Variants in CDH4 observed in about 807,000 individuals in gnomAD.
CDH4 encodes cadherin 4.
In CDH4, 33 loss-of-function variants were observed where a neutral mutation model predicts 86.0. That is an observed-to-expected ratio of 0.38 (90% CI 0.29 to 0.51). The LOEUF is 0.51. CDH4 is among the 20% of genes least tolerant of loss of function. The pLI, the probability that CDH4 is intolerant of heterozygous loss-of-function variation, is 0.86. For missense variants in CDH4, 1,114 were observed against 1,307.4 expected (o/e 0.85, Z 2.28); for synonymous variants, 555 against 549.4 (o/e 1.01, Z -0.14).
chr20:61,373,103 G>A (rs1460189263), intron 2 of CDH4, among the ~76,000 whole-genome samples: 1 of 152,218 alleles, frequency 6.6e-6, no homozygotes, highest in Non-Finnish European at 1.5e-5. Context: ...TTGCTGCAAT[G>A]CCCCATGGCT....
chr20:61,523,897 C>T (rs1190888698), intron 2 of CDH4, among the ~76,000 whole-genome samples: 5 of 152,186 alleles, frequency 3.3e-5, no homozygotes, highest in Non-Finnish European at 7.3e-5. Flanking sequence ...TTTCTAATGA[C>T]TGTAGCTAAG....
chr20:61,687,796 C>A (rs772125397), intron 2 of CDH4, among the ~76,000 whole-genome samples: 1 of 152,112 alleles, frequency 6.6e-6, no homozygotes, highest in Non-Finnish European at 1.5e-5. Context: ...ATGTGGTCCG[C>A]GGACTACAAT....
intron 2 of CDH4, among the ~76,000 whole-genome samples, chr20:61,523,305 G>A (rs1042607304): frequency 3.2e-4 from 48 of 152,244 alleles, no homozygotes; most frequent in African/African-American, 1.1e-3. Context: ...CACTGCCAGC[G>A]GGCCCACGCT....
chr20:61,332,465 G>A (rs1305652121), intron 2 of CDH4, among the ~76,000 whole-genome samples: 13 of 152,224 alleles, frequency 8.5e-5, no homozygotes, highest in Non-Finnish European at 1.5e-5. Context: ...TCTCTCAGAA[G>A]AGGGCTTAGG....
At chr20:61,254,980 C>G in intron 2 of CDH4, 43 bp downstream of exon 2, 1 of 1,141,758 alleles carries the variant, frequency 8.8e-7, no homozygotes, top group Non-Finnish European at 1.3e-6. Flanking sequence ...TGCTGCCATG[C>G]TTTTCCTTGG....
At chr20:61,504,116 T>C (rs140047303) in intron 2 of CDH4, among the ~76,000 whole-genome samples, 49 of 152,320 alleles carry the variant, frequency 3.2e-4, no homozygotes, top group East Asian at 1.9e-3. Flanking sequence ...TGCAACTTTC[T>C]TGGAGGGCCT....
chr20:61,440,701 G>T (rs184596976), intron 2 of CDH4, among the ~76,000 whole-genome samples: 1 of 152,212 alleles, frequency 6.6e-6, no homozygotes, highest in Non-Finnish European at 1.5e-5. Flanking sequence ...GGGAACCAGG[G>T]CTGCAATGCC....
intron 3 of CDH4, among the ~76,000 whole-genome samples, chr20:61,772,063 A>G (rs972997173): frequency 6.6e-6 from 1 of 152,036 alleles, no homozygotes; most frequent in Non-Finnish European, 1.5e-5. Flanking sequence ...CCTGGGCCCT[A>G]TGCTAAGCAT....
intron 2 of CDH4, among the ~76,000 whole-genome samples, chr20:61,312,436 C>T (rs1385429911): frequency 6.6e-6 from 1 of 151,856 alleles, no homozygotes; most frequent in African/African-American, 2.4e-5. Flanking sequence ...GTGTGTGCGC[C>T]CATTCTGCTT....
chr20:61,747,809 A>G (rs2088435968), intron 3 of CDH4, among the ~76,000 whole-genome samples: 1 of 152,224 alleles, frequency 6.6e-6, no homozygotes, highest in Non-Finnish European at 1.5e-5. Context: ...TATATTTGCA[A>G]TATGAGGGGG....
chr20:61,804,162 C>A (rs1979995046), intron 4 of CDH4, among the ~76,000 whole-genome samples: 1 of 152,236 alleles, frequency 6.6e-6, no homozygotes, highest in Non-Finnish European at 1.5e-5. Context: ...GTCGGTCCTG[C>A]CTGCATGGCG....
chr20:61,548,851 C>T (rs2086107458), intron 2 of CDH4, among the ~76,000 whole-genome samples: 2 of 152,146 alleles, frequency 1.3e-5, no homozygotes, highest in African/African-American at 2.4e-5. Context: ...GTGATTGGAA[C>T]ATTATCATCA....
chr20:61,806,390 G>A (rs114142961), intron 4 of CDH4, among the ~76,000 whole-genome samples: 315 of 152,338 alleles, frequency 2.1e-3, no homozygotes, highest in African/African-American at 7.1e-3. Context: ...GGAACACACG[G>A]GGAGGACCGT....
intron 3 of CDH4, among the ~76,000 whole-genome samples, chr20:61,758,319 C>T (rs1462042676): frequency 3.3e-5 from 5 of 152,314 alleles, no homozygotes; most frequent in South Asian, 2.1e-4. Context: ...GCCAGGCCAG[C>T]CCCAGTCACA....
chr20:61,556,935 G>C (rs972869495), intron 2 of CDH4, among the ~76,000 whole-genome samples: 3 of 152,020 alleles, frequency 2.0e-5, no homozygotes, highest in Non-Finnish European at 4.4e-5. Flanking sequence ...TCAGTTTGGG[G>C]CCTGATGAAT....
intron 2 of CDH4, among the ~76,000 whole-genome samples, chr20:61,383,957 A>T (rs1349184495): frequency 6.6e-6 from 1 of 151,946 alleles, no homozygotes; most frequent in Non-Finnish European, 1.5e-5. Flanking sequence ...CAGGCTGAGA[A>T]GCAAGGAGAG....
At chr20:61,605,140 C>T (rs894172545) in intron 2 of CDH4, among the ~76,000 whole-genome samples, 8 of 152,146 alleles carry the variant, frequency 5.3e-5, no homozygotes, top group African/African-American at 1.9e-4. Context: ...GTGTGAGTTA[C>T]TGTGATTGGA....
chr20:61,565,185 T>TCCTCTTGGTGGTGGTGGC (rs2086264658), intron 2 of CDH4, among the ~76,000 whole-genome samples: 1 of 68,752 alleles, frequency 1.5e-5, no homozygotes, highest in Non-Finnish European at 3.0e-5. Context: ...GTGGTGGTGG[T>TCCTCTTGGTGGTGGTGGC]GGTCCTCTTG....
At chr20:61,692,842 T>G (rs189113604) in intron 2 of CDH4, among the ~76,000 whole-genome samples, 23 of 101,532 alleles carry the variant, frequency 2.3e-4, no homozygotes, top group Middle Eastern at 4.7e-3. Flanking sequence ...TTGTTTTTTG[T>G]TTTTTTTTTT....
Sources: allele counts gnomAD v4.1 joint callset (sites outside exome capture counted in the v4.1 genomes callset), GRCh38; gene constraint gnomAD v4.1.1; transcripts MANE v1.5; gene names NCBI Gene and HGNC (gene_info 2026-07-23, HGNC 2026-07-21).